The following PPP1R12A variants were observed in gnomAD, a reference collection of about 807,000 sequenced individuals.
The protein encoded by PPP1R12A is myosin binding subunit.
PPP1R12A carries 19 observed loss-of-function variants against 139.6 expected under a neutral mutation model. That is an observed-to-expected ratio of 0.14 (90% confidence interval 0.09 to 0.20). PPP1R12A has a LOEUF of 0.20. Ranked by LOEUF, PPP1R12A falls within the 10% of genes least tolerant of loss-of-function variation. The pLI, the probability that PPP1R12A is intolerant of heterozygous loss-of-function variation, is 1.00. For missense variants in PPP1R12A, 925 were observed against 1,211.5 expected (o/e 0.76, Z 3.51); for synonymous variants, 427 against 420.6 (o/e 1.02, Z -0.19).
At chr12:79,887,588 T>C (rs1884224800) in intron 1 of PPP1R12A, among the ~76,000 whole-genome samples, 1 of 152,172 alleles carries the variant, frequency 6.6e-6, no homozygotes, top group South Asian at 2.1e-4. Flanking sequence ...CATTACTGTC[T>C]GCACTCTGGA....
intron 8 of PPP1R12A, among the ~76,000 whole-genome samples, chr12:79,819,916 A>G (rs1218268285): frequency 7.9e-5 from 12 of 151,858 alleles, no homozygotes; most frequent in Non-Finnish European, 1.6e-4. Flanking sequence ...ATTTAATAGA[A>G]TACTATACAA....
intron 2 of PPP1R12A, among the ~76,000 whole-genome samples, chr12:79,845,693 G>A (rs949274870): frequency 3.3e-5 from 5 of 151,796 alleles, no homozygotes; most frequent in East Asian, 1.9e-4. Context: ...AAAATTAGCC[G>A]GGCGTGGTGG....
intron 3 of PPP1R12A, among the ~76,000 whole-genome samples, chr12:79,840,082 G>A (rs764493981): frequency 6.6e-6 from 1 of 152,104 alleles, no homozygotes; most frequent in Non-Finnish European, 1.5e-5. Context: ...TGGTACAGTG[G>A]TACAGAATGT....
intron 1 of PPP1R12A, among the ~76,000 whole-genome samples, chr12:79,931,576 T>C (rs982981718): frequency 6.6e-6 from 1 of 152,212 alleles, no homozygotes; most frequent in Middle Eastern, 3.2e-3. Flanking sequence ...ATTCTATATA[T>C]AACTTTATTA....
intron 1 of PPP1R12A, among the ~76,000 whole-genome samples, chr12:79,875,157 A>G (rs1446650418): frequency 6.6e-6 from 1 of 152,234 alleles, no homozygotes; most frequent in Non-Finnish European, 1.5e-5. Flanking sequence ...GTATGTGAAT[A>G]TAAGTACTTT....
rs372367413 is a variant in PPP1R12A, at chr12:79,806,176, T to A, written c.1813A>T (p.Thr605Ser). 10 of 1,613,764 alleles carry A rather than the reference T, an allele frequency of 6.2e-6. No individual in the cohort carries two copies. The highest frequency in any genetic ancestry group is 8.5e-6 in the Non-Finnish European group (10 of 1,179,792). The change falls in exon 13 of 25, where the codon ACA (threonine) becomes TCA (serine). Residue 605 changes from threonine to serine, a missense_variant. Physicochemically the swap from Thr to Ser is moderately conservative, Grantham distance 58. Coordinates refer to ENST00000450142, the MANE Select transcript of PPP1R12A (RefSeq NM_002480.3). ...GTATCTGTGACTTACCTGCTTTGTG[T>A]GCCTGCTGAGGAAGAACCCGTTGTA... ...KITTGSSSAGTQSSTSNRLWA... is the reference protein window; with the variant it reads ...KITTGSSSAGSQSSTSNRLWA...
intron 2 of PPP1R12A, among the ~76,000 whole-genome samples, chr12:79,867,764 T>C (rs1362808450): frequency 6.6e-6 from 1 of 152,130 alleles, no homozygotes; most frequent in African/African-American, 2.4e-5. Flanking sequence ...CTGGGGGTGG[T>C]TACCCCTATG....
intron 1 of PPP1R12A, among the ~76,000 whole-genome samples, chr12:79,902,846 G>A (rs983038592): frequency 2.0e-5 from 3 of 152,086 alleles, no homozygotes; most frequent in African/African-American, 7.2e-5. Flanking sequence ...CTGACCTTAT[G>A]TGACAGATCA....
intron 22 of PPP1R12A, 54 bp from the exon 23 acceptor site, chr12:79,781,916 G>A: frequency 9.5e-7 from 1 of 1,055,872 alleles, no homozygotes; most frequent in Non-Finnish European, 1.4e-6. Flanking sequence ...GTTCAGGGGT[G>A]ACCACAGTAA....
chr12:79,812,427 T>C (rs1031827286), intron 9 of PPP1R12A, among the ~76,000 whole-genome samples: 9 of 149,652 alleles, frequency 6.0e-5, no homozygotes, highest in African/African-American at 2.2e-4. Context: ...TGTGTAACGT[T>C]CCTTATACAG....
chr12:79,930,697 G>A (rs1053719409), intron 1 of PPP1R12A, among the ~76,000 whole-genome samples: 28 of 152,108 alleles, frequency 1.8e-4, no homozygotes, highest in African/African-American at 6.0e-4. Context: ...GCTCGAATCC[G>A]GGAGGTGGAG....
At chr12:79,837,389 T>C (rs993010544) in intron 3 of PPP1R12A, among the ~76,000 whole-genome samples, 4 of 152,206 alleles carry the variant, frequency 2.6e-5, no homozygotes, top group African/African-American at 9.6e-5. Flanking sequence ...TGTTCAATTA[T>C]TACTACTTTC....
intron 23 of PPP1R12A, 138 bp from the exon 24 acceptor site, chr12:79,778,738 T>C (rs1379560062): frequency 8.2e-6 from 4 of 487,420 alleles, no homozygotes; most frequent in Non-Finnish European, 1.4e-5. Context: ...GCCAGTGATA[T>C]GTAAAGAGCT....
chr12:79,893,526 G>A (rs1278912746), intron 1 of PPP1R12A, among the ~76,000 whole-genome samples: 1 of 152,118 alleles, frequency 6.6e-6, no homozygotes, highest in African/African-American at 2.4e-5. Flanking sequence ...ATCAAATGCT[G>A]AAGGAAAGAA....
intron 10 of PPP1R12A, 104 bp downstream of exon 10, chr12:79,809,691 A>T (rs1874292108): frequency 1.2e-6 from 1 of 803,554 alleles, no homozygotes. Flanking sequence ...AATTAACTTG[A>T]TACCTAGATC....
chr12:79,933,863 A>G (rs771508326), intron 1 of PPP1R12A, among the ~76,000 whole-genome samples: 1 of 152,198 alleles, frequency 6.6e-6, no homozygotes, highest in Non-Finnish European at 1.5e-5. Context: ...CAACCCCAAA[A>G]GAAAAACCAG....
rs112510926 is a variant in PPP1R12A, at chr12:79,882,713, C to G, written c.238-9775G>C. ...AAATGCTATCAAACAGCATCATATA[C>G]TACAGAGAAATCTTTCATGAGAGGA... On this transcript the variant is annotated intron_variant, in intron 1 of 24. Transcript: ENST00000450142. Among the ~76,000 whole-genome samples, 1,485 of 152,208 alleles carry G rather than the reference C, an allele frequency of 9.8e-3. 29 individuals are homozygous for G. The highest frequency in any genetic ancestry group is 0.034 in the African/African-American group (1,430 of 41,522).
chr12:79,844,612 C>A (rs146069558), intron 3 of PPP1R12A, among the ~76,000 whole-genome samples: 1 of 152,284 alleles, frequency 6.6e-6, no homozygotes, highest in East Asian at 1.9e-4. Context: ...TGTCTTCCTA[C>A]AATCTATTTT....
chr12:79,808,072 A>T (rs1026248520), intron 11 of PPP1R12A, among the ~76,000 whole-genome samples: 7 of 151,676 alleles, frequency 4.6e-5, no homozygotes, highest in East Asian at 1.9e-4. Context: ...TAATTAAATT[A>T]AAAAAATAAA....
Sources: allele counts gnomAD v4.1 joint callset (sites outside exome capture counted in the v4.1 genomes callset), GRCh38; gene constraint gnomAD v4.1.1; transcripts MANE v1.5; gene names NCBI Gene and HGNC (gene_info 2026-07-23, HGNC 2026-07-21).